NOS1AP: variants seen among roughly 807,000 people sequenced by gnomAD.
NOS1AP encodes nitric oxide synthase 1 adaptor protein.
Under a neutral mutation model 56.2 loss-of-function variants are expected in NOS1AP, and 21 were observed. The ratio of observed to expected loss-of-function variants is 0.37; its 90% confidence interval spans 0.26 to 0.54. The LOEUF (loss-of-function observed/expected upper bound fraction) is 0.54. Among genes scored for constraint, NOS1AP ranks in the 20% least tolerant of loss-of-function variants. The probability of loss-of-function intolerance (pLI) is 0.84; values close to 1 mark genes in which losing one functional copy is unlikely to be tolerated. For missense variants in NOS1AP, 522 were observed against 657.8 expected (o/e 0.79, Z 2.26); for synonymous variants, 270 against 274.6 (o/e 0.98, Z 0.17).
At chr1:162,344,627 C>T (rs904594867) in intron 6 of NOS1AP, among the ~76,000 whole-genome samples, 1 of 151,156 alleles carries the variant, frequency 6.6e-6, no homozygotes, top group African/African-American at 2.4e-5. Flanking sequence ...AGGAGAATTG[C>T]TTCAACTCAG....
chr1:162,293,963 G>A (rs971723616), intron 3 of NOS1AP, among the ~76,000 whole-genome samples: 10 of 152,170 alleles, frequency 6.6e-5, no homozygotes, highest in African/African-American at 2.4e-4. Context: ...GAAAAATGAA[G>A]CAGATACAGA....
intron 1 of NOS1AP, among the ~76,000 whole-genome samples, chr1:162,110,579 G>C (rs1423102814): frequency 1.3e-5 from 2 of 151,962 alleles, no homozygotes; most frequent in Non-Finnish European, 2.9e-5. Flanking sequence ...CTTTCTTTTA[G>C]CAGAATTTGA....
intron 4 of NOS1AP, among the ~76,000 whole-genome samples, chr1:162,328,070 G>C (rs1656650438): frequency 6.6e-6 from 1 of 152,218 alleles, no homozygotes; most frequent in Non-Finnish European, 1.5e-5. Context: ...GCTAAGACTT[G>C]AACCTGGATC....
At position 162,355,305 on chromosome 1, in the gene NOS1AP, T is replaced by C; in HGVS notation, c.714T>C (p.Thr238=). ...NDVLEFSRGV[T]DLDAVGKEGG... ...TCCTGGAATTCAGCCGAGGTGTGAC[T>C]GATCTAGATGCTGTAGGGAAGGAAG... Residue 238 remains threonine (T), a synonymous_variant, in exon 7 of 10, where the codon ACT becomes ACC. Coordinates refer to ENST00000361897, the MANE Select transcript of NOS1AP (RefSeq NM_014697.3). The C allele has an allele frequency of 6.2e-7, 1 of 1,614,140 alleles. No homozygotes were observed.
In NOS1AP at chr1:162,368,454, AAAAAG is replaced by A. The variant is rs1557897347; in HGVS notation, c.*989_*993del. The A allele has an allele frequency of 1.4e-5, 2 of 145,244 alleles. No individual in the cohort carries two copies. Among genetic ancestry groups the A allele is most frequent in the East Asian group, 3.9e-4 (2 of 5,070 alleles). The allele number at this position is 145,244 out of a possible 1,614,324, so 9.0% of individuals were successfully genotyped here. A position where few individuals can be genotyped will look rare whatever the true frequency, so the allele number is the denominator to read the frequency against. On this transcript the variant is annotated 3_prime_UTR_variant, in exon 10 of 10. Transcript: ENST00000361897. ...TTTTTACTGCAAAAAAAAAAAAAGA[AAAAAG>A]AGAAAGAAAAAAAAGAATGAATGCA...
In NOS1AP at chr1:162,077,350, G is replaced by GA. The variant is rs994563494; in HGVS notation, c.105+7079dup. On this transcript the variant is annotated intron_variant, in intron 1 of 9. Coordinates refer to ENST00000361897, the MANE Select transcript of NOS1AP (RefSeq NM_014697.3). ...TCATTCCCTAGGAAGCAGACTCAGA[G>GA]AAAAAAAAAAAGACCATCTTTTCAT... Among the ~76,000 whole-genome samples, 44 of 145,674 alleles carry GA rather than the reference G, an allele frequency of 3.0e-4. 1 individual carries two copies. The highest frequency in any genetic ancestry group is 6.3e-4 in the South Asian group (3 of 4,730).
chr1:162,367,104 C>A lies in NOS1AP; in HGVS notation c.1158C>A (p.Pro386=). 6.2e-7 allele frequency: 1 copy of A among 1,613,950 alleles called. No homozygotes were observed. Among genetic ancestry groups the A allele is most frequent in the Non-Finnish European group, 8.5e-7 (1 of 1,180,012 alleles). Residue 386 remains proline, a synonymous_variant, in exon 10 of 10, where the codon CCC becomes CCA. Coordinates refer to ENST00000361897, the MANE Select transcript of NOS1AP (RefSeq NM_014697.3). The surrounding 1 kb of genome is among the most constrained non-coding windows in gnomAD (Gnocchi z 6.5). ...TCACCTTCCGCTCCGGAGCCCTGCC[C>A]GTGCTCTGTGACCCCACGACCCCTA... ...LEITFRSGAL[P]VLCDPTTPKP...
At chr1:162,345,923 A>G (rs1216154068) in intron 6 of NOS1AP, among the ~76,000 whole-genome samples, 1 of 152,244 alleles carries the variant, frequency 6.6e-6, no homozygotes, top group Non-Finnish European at 1.5e-5. Context: ...AAAAACAAGA[A>G]TAGAAAAAAT....
At chr1:162,290,007 G>A (rs1435391675) in intron 3 of NOS1AP, among the ~76,000 whole-genome samples, 2 of 152,186 alleles carry the variant, frequency 1.3e-5, no homozygotes, top group Non-Finnish European at 2.9e-5. Context: ...TCATGACACA[G>A]TGTGTGCTGA....
At chr1:162,168,824 A>G (rs1036334866) in intron 2 of NOS1AP, among the ~76,000 whole-genome samples, 1 of 152,188 alleles carries the variant, frequency 6.6e-6, no homozygotes, top group African/African-American at 2.4e-5. Context: ...TCGATAATAT[A>G]GTAAGTCACT....
rs532748834 is a variant in NOS1AP at position 162,283,769 on chromosome 1, G to A, written c.178-3575G>A. 1.1e-4 allele frequency among the ~76,000 whole-genome samples: 17 copies of A among 152,280 alleles called. No individual in the cohort carries two copies. In the East Asian group the frequency reaches 2.5e-3, roughly 22 times the overall value. On this transcript the variant is annotated intron_variant, in intron 2 of 9. Coordinates refer to ENST00000361897, the MANE Select transcript of NOS1AP (RefSeq NM_014697.3). ...GGTGTTCCAGGACTTGCATTGTTTT[G>A]TTCCCTGAAAGGTCAAGTCCTGTAG...
At chr1:162,134,258 A>G (rs1648882898) in intron 1 of NOS1AP, among the ~76,000 whole-genome samples, 1 of 152,158 alleles carries the variant, frequency 6.6e-6, no homozygotes, top group Admixed American at 6.5e-5. Flanking sequence ...TAGGAGGCCG[A>G]GGCAGACAGA....
At chr1:162,320,146 G>C (rs887065697) in intron 4 of NOS1AP, among the ~76,000 whole-genome samples, 2 of 152,178 alleles carry the variant, frequency 1.3e-5, no homozygotes, top group African/African-American at 2.4e-5. Context: ...TGGGGCCAAG[G>C]GGGGCGGGGT....
chr1:162,190,857 C>T (rs940256930), intron 2 of NOS1AP, among the ~76,000 whole-genome samples: 1 of 152,124 alleles, frequency 6.6e-6, no homozygotes, highest in Non-Finnish European at 1.5e-5. Context: ...TGAGAACATG[C>T]AGTGTTTACC....
At position 162,084,845 on chromosome 1, in the gene NOS1AP, A is replaced by AT. The variant is rs530443305; in HGVS notation, c.105+14569dup. On this transcript the variant is annotated intron_variant, in intron 1 of 9. Transcript: ENST00000361897. ...TACAGGTGGCCTGGCTAAATTTTGG[A>AT]TTTTTTGTAGAGTTTTGCCATGTTG... 3.7e-3 allele frequency among the ~76,000 whole-genome samples: 562 copies of AT among 151,720 alleles called. 10 individuals carry two copies. The highest frequency in any genetic ancestry group is 4.6e-3 in the Non-Finnish European group (315 of 67,904).
chr1:162,143,412 G>A (rs16857037), intron 1 of NOS1AP, among the ~76,000 whole-genome samples: 3,079 of 152,210 alleles, frequency 0.02, 109 homozygotes, highest in African/African-American at 0.07. Context: ...GGCTCACAAA[G>A]CAAGAACATG....
chr1:162,216,392 T>C (rs1400160731), intron 2 of NOS1AP, among the ~76,000 whole-genome samples: 1 of 152,228 alleles, frequency 6.6e-6, no homozygotes, highest in African/African-American at 2.4e-5. Context: ...GTGCTACTGT[T>C]GTGGGGACAT....
chr1:162,189,589 T>C (rs895623771), intron 2 of NOS1AP, among the ~76,000 whole-genome samples: 4 of 152,310 alleles, frequency 2.6e-5, no homozygotes, highest in Admixed American at 1.3e-4. Context: ...GTAAATAAGA[T>C]AGGCGAGATC....
At chr1:162,314,127 G>A (rs1656151718) in intron 4 of NOS1AP, among the ~76,000 whole-genome samples, 1 of 152,162 alleles carries the variant, frequency 6.6e-6, no homozygotes, top group Non-Finnish European at 1.5e-5. Context: ...TATCCTTTTG[G>A]TGGCCTTGTC....
Sources: gnomAD v4.1 joint callset for allele counts (sites outside exome capture counted in the v4.1 genomes callset) on GRCh38, gnomAD v4.1.1 for gene constraint, Gnocchi (gnomAD v3.1) non-coding constraint, MANE v1.5 for transcripts, NCBI Gene and HGNC (gene_info 2026-07-23, HGNC 2026-07-21) for gene names.